Variants in KCTD1 observed in about 807,000 individuals in gnomAD.
KCTD1 encodes the protein potassium channel tetramerization domain containing 1.
A neutral mutation model predicts 66.0 loss-of-function variants in KCTD1; 24 were observed. The ratio of observed to expected loss-of-function variants is 0.36; its 90% CI spans 0.26 to 0.51. The LOEUF (loss-of-function observed/expected upper bound fraction) is 0.51. KCTD1 is among the 20% of genes least tolerant of loss of function. The pLI is 0.95. For synonymous variants in KCTD1, 511 were observed against 517.2 expected (o/e 0.99, Z 0.16); for missense variants, 943 against 1,205.2 (o/e 0.78, Z 3.22).
At chr18:26,487,218 G>A (rs536563500) in intron 2 of KCTD1, among the ~76,000 whole-genome samples, 6 of 152,340 alleles carry the variant, frequency 3.9e-5, no homozygotes, top group Admixed American at 6.5e-5. Context: ...TGATGTCAGA[G>A]TGACTAGGAA....
intron 1 of KCTD1, among the ~76,000 whole-genome samples, chr18:26,569,501 C>A (rs1044852257): frequency 6.6e-6 from 1 of 152,144 alleles, no homozygotes; most frequent in Middle Eastern, 3.4e-3. Context: ...GCCTTTCTCC[C>A]GCCCCCGACA....
chr18:26,490,742 G>C (rs916894921), intron 2 of KCTD1, among the ~76,000 whole-genome samples: 6 of 151,862 alleles, frequency 4.0e-5, no homozygotes, highest in Non-Finnish European at 8.8e-5. Context: ...TAAAACCTAG[G>C]GCATAGGTTT....
intron 1 of KCTD1, among the ~76,000 whole-genome samples, chr18:26,601,045 T>C (rs1986883570): frequency 6.6e-6 from 1 of 152,118 alleles, no homozygotes; most frequent in Admixed American, 6.5e-5. Context: ...ATGCTCAGTT[T>C]GGACCATTGG....
chr18:26,522,330 C>T (rs1293988266), intron 1 of KCTD1, among the ~76,000 whole-genome samples: 2 of 152,140 alleles, frequency 1.3e-5, no homozygotes, highest in African/African-American at 2.4e-5. Flanking sequence ...AGAGATCGAT[C>T]GGTTGATGTG....
At position 26,647,334 on chromosome 18, in the gene KCTD1, C is replaced by CCT. The variant is rs1555649521; in HGVS notation, c.9+10025_9+10026insAG. ...CCAGCCTGGCCAAGATAGTGAAACC[C>CCT]CCCCCCCATCTCTACTAAAAATACA... On this transcript the variant is annotated intron_variant, in intron 1 of 4. Coordinates refer to the KCTD1 transcript ENST00000580191. 3.5e-5 allele frequency among the ~76,000 whole-genome samples: 4 copies of CCT among 113,010 alleles called. No individual in the cohort carries two copies. The South Asian group carries it at 8.8e-4, about 25-fold the overall frequency. 74.1% of individuals were successfully genotyped at this position (113,010 alleles called of 152,430 possible).
chr18:26,603,430 TAAA>T (rs57816578), intron 1 of KCTD1, among the ~76,000 whole-genome samples: 2 of 131,088 alleles, frequency 1.5e-5, no homozygotes, highest in Non-Finnish European at 3.2e-5. Context: ...GAGACCCTGT[TAAA>T]AAAAAAAAAA....
At chr18:26,646,896 A>C (rs1315138396) in intron 1 of KCTD1, among the ~76,000 whole-genome samples, 4 of 152,324 alleles carry the variant, frequency 2.6e-5, no homozygotes, top group Non-Finnish European at 5.9e-5. Context: ...GGGAAGAAAA[A>C]AAAATAAGAA....
chr18:26,498,239 A>G (rs1982578106), intron 2 of KCTD1, among the ~76,000 whole-genome samples: 1 of 152,102 alleles, frequency 6.6e-6, no homozygotes, highest in Non-Finnish European at 1.5e-5. Context: ...TGCTCCTGTG[A>G]TCCTAGGACT....
At chr18:26,601,588 C>A (rs1986901386) in intron 1 of KCTD1, among the ~76,000 whole-genome samples, 1 of 152,148 alleles carries the variant, frequency 6.6e-6, no homozygotes, top group Non-Finnish European at 1.5e-5. Context: ...TGCATTGAAT[C>A]TGCAGATCAA....
chr18:26,460,019 T>C (rs920174444), intron 3 of KCTD1, 94 bp from the exon 4 acceptor site: 7 of 931,958 alleles, frequency 7.5e-6, no homozygotes, highest in Middle Eastern at 2.3e-4. Context: ...CACTTCTTGT[T>C]ATGTCACTAA....
intron 3 of KCTD1, among the ~76,000 whole-genome samples, chr18:26,462,324 G>A (rs539676449): frequency 6.6e-6 from 1 of 152,334 alleles, no homozygotes; most frequent in South Asian, 2.1e-4. Flanking sequence ...AGGTCATCTT[G>A]CCCCTGGGCT....
At chr18:26,493,434 A>C (rs1982311352) in intron 2 of KCTD1, among the ~76,000 whole-genome samples, 1 of 152,210 alleles carries the variant, frequency 6.6e-6, no homozygotes, top group Non-Finnish European at 1.5e-5. Context: ...GAATAAAATT[A>C]GTTTTAATAT....
Position 26,548,395 on chromosome 18 carries a change from G to C in KCTD1, c.142C>G (p.Pro48Ala). Reference protein sequence around the residue: ...AGGRGRRHSRPHYCSAGEEEE... With the variant: ...AGGRGRRHSRAHYCSAGEEEE... ...TCCTCGCCCGCGCTGCAGTAGTGCGGACGGCTGTGGCGGCGGCCGCGGCCC... is the reference window on the plus strand; with the variant it reads ...TCCTCGCCCGCGCTGCAGTAGTGCGCACGGCTGTGGCGGCGGCCGCGGCCC... Residue 48 changes from proline to alanine, a missense_variant, in exon 1 of 5, where the codon CCG becomes GCG. Pro to Ala is a conservative substitution (Grantham distance 27, BLOSUM62 -1). This residue lies in a region of KCTD1 where 236 missense variants were observed against 206.6 expected (regional missense o/e 1.14). Transcript: ENST00000580059. The C allele has an allele frequency of 6.9e-7, 1 of 1,446,954 alleles. No homozygotes were observed. Among genetic ancestry groups the C allele is most frequent in the Non-Finnish European group, 9.1e-7 (1 of 1,098,264 alleles). The allele number at this position is 1,446,954 out of a possible 1,614,324, so 89.6% of individuals were successfully genotyped here.
upstream of KCTD1, among the ~76,000 whole-genome samples, chr18:26,553,450 A>G (rs1025980468): frequency 3.9e-5 from 6 of 152,252 alleles, no homozygotes; most frequent in African/African-American, 1.4e-4. Flanking sequence ...ATATTTTAGC[A>G]GAGTGACTGG....
intron 1 of KCTD1, among the ~76,000 whole-genome samples, chr18:26,511,139 T>G (rs1983308657): frequency 6.6e-6 from 1 of 152,228 alleles, no homozygotes; most frequent in Admixed American, 6.5e-5. Flanking sequence ...TTTACCTTCA[T>G]AATAGGGATT....
intron 3 of KCTD1, among the ~76,000 whole-genome samples, chr18:26,464,770 T>C (rs1398693024): frequency 6.6e-6 from 1 of 152,162 alleles, no homozygotes; most frequent in Non-Finnish European, 1.5e-5. Flanking sequence ...TAGGGGGCAG[T>C]GGGATCCTGC....
intron 1 of KCTD1, among the ~76,000 whole-genome samples, chr18:26,533,225 C>G (rs1207608615): frequency 2.0e-5 from 3 of 152,196 alleles, no homozygotes; most frequent in Non-Finnish European, 4.4e-5. Context: ...GGGTAATAAT[C>G]TAACTGCGAT....
At chr18:26,650,862 C>T (rs1988017697) in intron 1 of KCTD1, among the ~76,000 whole-genome samples, 1 of 152,230 alleles carries the variant, frequency 6.6e-6, no homozygotes, top group Non-Finnish European at 1.5e-5. Flanking sequence ...ATATCCCTTC[C>T]TCTAGCCAGC....
At chr18:26,490,937 G>C (rs565873167) in intron 2 of KCTD1, among the ~76,000 whole-genome samples, 40 of 152,216 alleles carry the variant, frequency 2.6e-4, no homozygotes, top group African/African-American at 9.6e-4. Flanking sequence ...ATTTTTAGTA[G>C]AGATGGAGTT....
Sources: allele counts gnomAD v4.1 joint callset (sites outside exome capture counted in the v4.1 genomes callset), GRCh38; gene constraint gnomAD v4.1.1; regional missense constraint gnomAD v4.1.1; transcripts MANE v1.5; gene names NCBI Gene and HGNC (gene_info 2026-07-23, HGNC 2026-07-21).